FAM185A: variants seen among roughly 807,000 people sequenced by gnomAD.
The protein encoded by FAM185A is protein FAM185A.
Under a neutral mutation model 45.7 loss-of-function variants are expected in FAM185A, and 21 were observed. The observed-to-expected ratio is 0.46, with a 90% CI of 0.33 to 0.66. The LOEUF is 0.66. FAM185A is among the 30% of genes least tolerant of loss of function. The pLI is 0.03. For synonymous variants in FAM185A, 117 were observed against 194.0 expected, an observed-to-expected ratio of 0.60 and a Z score of 3.30; for missense variants, 305 against 485.4, an observed-to-expected ratio of 0.63 and a Z score of 3.49.
the FAM185A span, among the ~76,000 whole-genome samples, chr7:102,839,430 T>A: frequency 6.6e-6 from 1 of 152,194 alleles, no homozygotes; most frequent in African/African-American, 2.4e-5. Context: ...TTTGTCTCTG[T>A]GTCTTATTTC....
chr7:102,821,997 A>G, the FAM185A span: 1 of 1,594,120 alleles, frequency 6.3e-7, no homozygotes, highest in African/African-American at 1.3e-5. Context: ...GTTTTCTCAG[A>G]AAGTAGTTCT....
At chr7:102,796,818 G>A (rs12674302) in intron 7 of FAM185A, among the ~76,000 whole-genome samples, 69,474 of 151,858 alleles carry the variant, frequency 0.46, 17,820 homozygotes, top group African/African-American at 0.7. Context: ...GCACTTGTTC[G>A]AACACTTAAG....
At chr7:102,807,967 C>T (rs143381480) in intron 7 of FAM185A, among the ~76,000 whole-genome samples, 279 of 152,134 alleles carry the variant, frequency 1.8e-3, no homozygotes, top group African/African-American at 6.2e-3. Flanking sequence ...AGTCTGAGGC[C>T]GGAGAACCGC....
rs2537389 is a variant in FAM185A at position 102,800,093 on chromosome 7, T to C, written c.1067-8197T>C. ...CATCACAGGAATCTGTGCAGACAAC[T>C]CCCGTACCAGCCCAGAGCCTGGTAG... On this transcript the variant is annotated intron_variant, in intron 7 of 7. Coordinates refer to ENST00000413034, the MANE Select transcript of FAM185A (RefSeq NM_001145268.2). Among the ~76,000 whole-genome samples, 14 of 152,118 alleles carry C rather than the reference T, an allele frequency of 9.2e-5. No homozygotes were observed. The South Asian group carries it at 1.9e-3, about 20-fold the overall frequency.
Position 102,808,466 on chromosome 7 carries a change from T to A in FAM185A, c.*64T>A. 1.0e-6 allele frequency: 1 copy of A among 977,204 alleles called. No individual in the cohort carries two copies. Among genetic ancestry groups the A allele is most frequent in the Non-Finnish European group, 1.6e-6 (1 of 627,534 alleles). 60.5% of individuals were successfully genotyped at this position (977,204 alleles called of 1,614,324 possible). A position where few individuals can be genotyped will look rare whatever the true frequency, so the allele number is the denominator to read the frequency against. ...TCGCAGATCTGTGACTACAAAAATG[T>A]AAATCCCACCATTCATATAAAGGTT... On this transcript the variant is annotated 3_prime_UTR_variant, in exon 8 of 8. Transcript: ENST00000413034.
chr7:102,812,853 T>G (rs1392551716), downstream of FAM185A, among the ~76,000 whole-genome samples: 1 of 149,268 alleles, frequency 6.7e-6, no homozygotes, highest in East Asian at 1.9e-4. Context: ...TTTTTTTTTT[T>G]TTTTTTTGAG....
At chr7:102,781,265 G>T (rs1208585286) in intron 6 of FAM185A, among the ~76,000 whole-genome samples, 2 of 152,224 alleles carry the variant, frequency 1.3e-5, no homozygotes, top group Non-Finnish European at 2.9e-5. Flanking sequence ...AAAGGCAGCA[G>T]AAAGCTCTGC....
chr7:102,827,518 T>TATACCTCAAATAATAATGTTTTAACTTG, the FAM185A span, among the ~76,000 whole-genome samples: 1 of 152,196 alleles, frequency 6.6e-6, no homozygotes, highest in African/African-American at 2.4e-5. Context: ...TGGTAAAATA[T>TATACCTCAAATAATAATGTTTTAACTTG]GACCCATTGA....
chr7:102,820,906 C>T, the FAM185A span, among the ~76,000 whole-genome samples: 1 of 152,210 alleles, frequency 6.6e-6, no homozygotes, highest in Non-Finnish European at 1.5e-5. Context: ...CTTGGGGGAC[C>T]ACATTCAAAC....
the FAM185A span, among the ~76,000 whole-genome samples, chr7:102,825,568 GGACTAA>G: frequency 6.6e-6 from 1 of 152,170 alleles, no homozygotes; most frequent in Non-Finnish European, 1.5e-5. Flanking sequence ...AACAGAAAAC[GGACTAA>G]GACAGGGTAT....
At chr7:102,761,921 C>T (rs987434422) in intron 4 of FAM185A, among the ~76,000 whole-genome samples, 22 of 152,138 alleles carry the variant, frequency 1.4e-4, no homozygotes, top group Non-Finnish European at 2.6e-4. Flanking sequence ...CCTTGGCCTC[C>T]CAAAGTGCTA....
rs1157636375 is a variant in FAM185A at position 102,783,242 on chromosome 7, G to A, written c.932-4093G>A. Reference sequence around the variant, plus strand: ...TACTGTCAGCATTAGACAGATCAACGAGACAGAAAGTTAACAAGGATATTC... The same window carrying A: ...TACTGTCAGCATTAGACAGATCAACAAGACAGAAAGTTAACAAGGATATTC... On this transcript the variant is annotated intron_variant, in intron 6 of 7. Transcript: ENST00000413034. Among the ~76,000 whole-genome samples, 11 of 152,040 alleles carry A rather than the reference G, an allele frequency of 7.2e-5. No individual in the cohort carries two copies. The South Asian group carries it at 1.7e-3, about 23-fold the overall frequency.
At chr7:102,828,022 C>T in the FAM185A span, among the ~76,000 whole-genome samples, 1 of 152,160 alleles carries the variant, frequency 6.6e-6, no homozygotes, top group South Asian at 2.1e-4. Flanking sequence ...AGCGTGATGC[C>T]TCCAGCTTTG....
intron 6 of FAM185A, among the ~76,000 whole-genome samples, 186 bp from the exon 7 acceptor site, chr7:102,787,149 T>G (rs1795859358): frequency 6.6e-6 from 1 of 152,208 alleles, no homozygotes. Flanking sequence ...GAAGTTACTG[T>G]GAATGCCTTG....
At chr7:102,825,845 G>C in the FAM185A span, among the ~76,000 whole-genome samples, 1 of 152,092 alleles carries the variant, frequency 6.6e-6, no homozygotes, top group Non-Finnish European at 1.5e-5. Flanking sequence ...GAATTCCCCA[G>C]CTCTGGCACT....
chr7:102,822,139 G>A, the FAM185A span: 1 of 1,614,208 alleles, frequency 6.2e-7, no homozygotes, highest in Non-Finnish European at 8.5e-7. Context: ...GACACAACCA[G>A]AGATATCCAA....
the FAM185A span, among the ~76,000 whole-genome samples, chr7:102,828,125 A>C: frequency 2.6e-4 from 40 of 152,226 alleles, no homozygotes; most frequent in East Asian, 4.6e-3. Flanking sequence ...TGAAGAAAGT[A>C]ATTGGTAGCT....
chr7:102,827,676 C>T, the FAM185A span, among the ~76,000 whole-genome samples: 2 of 152,084 alleles, frequency 1.3e-5, no homozygotes, highest in Non-Finnish European at 2.9e-5. Flanking sequence ...TTCCTCCCCC[C>T]TCCCGCCACC....
At chr7:102,758,959 T>C (rs1413973277) in intron 3 of FAM185A, among the ~76,000 whole-genome samples, 1 of 152,094 alleles carries the variant, frequency 6.6e-6, no homozygotes, top group Non-Finnish European at 1.5e-5. Context: ...TAATTGTTTC[T>C]GTTGTTTTAT....
Sources: gnomAD v4.1 joint callset for allele counts (sites outside exome capture counted in the v4.1 genomes callset) on GRCh38, gnomAD v4.1.1 for gene constraint, MANE v1.5 for transcripts, NCBI Gene and HGNC (gene_info 2026-07-23, HGNC 2026-07-21) for gene names.